ZFAND5: variants seen among roughly 807,000 people sequenced by gnomAD.
ZFAND5 encodes the protein zinc finger AN1-type containing 5.
A neutral mutation model predicts 23.6 loss-of-function variants in ZFAND5; 4 were observed. The observed-to-expected ratio is 0.17, with a 90% CI of 0.08 to 0.39. The LOEUF is 0.39. Ranked by LOEUF, ZFAND5 falls within the 10% of genes least tolerant of loss-of-function variation. The probability of loss-of-function intolerance (pLI) is 1.00; values close to 1 mark genes in which losing one functional copy is unlikely to be tolerated. For synonymous variants in ZFAND5, 68 were observed against 80.6 expected (o/e 0.84, Z 0.84); for missense variants, 161 against 253.7 (o/e 0.63, Z 2.48).
rs540688891 is a variant in ZFAND5, at chr9:72,360,102, A to T, written c.263+8T>A. ...ATATCATAAAAACTCTGAAACGTTCAATCTTACCTTGATTTTTCAGATGTG... is the reference window on the plus strand; with the variant it reads ...ATATCATAAAAACTCTGAAACGTTCTATCTTACCTTGATTTTTCAGATGTG... On this transcript the variant is annotated splice_region_variant and intron_variant, in intron 4 of 6. Transcript: ENST00000376962. 6.2e-7 allele frequency: 1 copy of T among 1,606,408 alleles called. No individual in the cohort carries two copies. The highest frequency in any genetic ancestry group is 2.2e-5 in the East Asian group (1 of 44,824).
chr9:72,355,749 G>T lies in ZFAND5; in HGVS notation c.*204C>A. ...TTCATCCAATTTTTTTCAGGGGAGG[G>T]CATATACATTTGTAGGGCTGTATCT... is the stretch of plus-strand genomic sequence containing the variant. On this transcript the variant is annotated 3_prime_UTR_variant, in exon 7 of 7. Coordinates refer to ENST00000376962, the MANE Select transcript of ZFAND5 (RefSeq NM_001102420.3). The T allele has an allele frequency of 2.4e-6, 1 of 412,410 alleles. No individual in the cohort carries two copies. 25.5% of individuals were successfully genotyped at this position (412,410 alleles called of 1,614,324 possible). A position where few individuals can be genotyped will look rare whatever the true frequency, so the allele number is the denominator to read the frequency against.
chr9:72,358,082 T>C (rs1000090968), intron 5 of ZFAND5, among the ~76,000 whole-genome samples: 1 of 152,162 alleles, frequency 6.6e-6, no homozygotes, highest in African/African-American at 2.4e-5. Flanking sequence ...GCACCAATGC[T>C]ATTAGCATAT....
chr9:72,358,506 T>C (rs1842006499), intron 5 of ZFAND5, among the ~76,000 whole-genome samples: 1 of 152,156 alleles, frequency 6.6e-6, no homozygotes, highest in Non-Finnish European at 1.5e-5. Context: ...AGAGTAATTT[T>C]GTATTTAAAA....
intron 2 of ZFAND5, 87 bp from the exon 3 acceptor site, chr9:72,360,874 G>C: frequency 8.0e-7 from 1 of 1,242,888 alleles, no homozygotes; most frequent in Non-Finnish European, 1.1e-6. Flanking sequence ...TAATTGCTAC[G>C]CAAGTTTTAA....
At chr9:72,364,590 C>A in intron 1 of ZFAND5, 106 bp downstream of exon 1, 2 of 1,241,952 alleles carry the variant, frequency 1.6e-6, no homozygotes, top group Non-Finnish European at 1.0e-6. Flanking sequence ...CCATCCGCGG[C>A]CTGCTCCGGC....
In ZFAND5 at chr9:72,351,702, A is replaced by T. The variant is rs1444491551; in HGVS notation, c.*4251T>A. 1 of 151,392 alleles carries T rather than the reference A, an allele frequency of 6.6e-6. No homozygotes were observed. The highest frequency in any genetic ancestry group is 2.4e-5 in the African/African-American group (1 of 41,180). The allele number at this position is 151,392 out of a possible 1,614,324, so 9.4% of individuals were successfully genotyped here. A position where few individuals can be genotyped will look rare whatever the true frequency, so the allele number is the denominator to read the frequency against. On this transcript the variant is annotated 3_prime_UTR_variant, in exon 7 of 7. Coordinates refer to ENST00000376962, the MANE Select transcript of ZFAND5 (RefSeq NM_001102420.3). ...TCATGTCTATCTGTACCAGTTTCCC[A>T]TCTTAGACTGTGATGTCAACTGGCA...
rs777144540 is a variant in ZFAND5 at position 72,360,801 on chromosome 9, G to A, written c.-9-14C>T. 25 of 1,567,300 alleles carry A rather than the reference G, an allele frequency of 1.6e-5. No homozygotes were observed. The highest frequency in any genetic ancestry group is 1.5e-4 in the South Asian group (13 of 84,860). ...CATATTTTTCTGCTATAGATGAAACGAAATTTCAGAAATTAGTGTTATCAC... is the reference window on the plus strand; with the variant it reads ...CATATTTTTCTGCTATAGATGAAACAAAATTTCAGAAATTAGTGTTATCAC... On this transcript the variant is annotated splice_polypyrimidine_tract_variant and intron_variant, in intron 2 of 6. Coordinates refer to ENST00000376962, the MANE Select transcript of ZFAND5 (RefSeq NM_001102420.3).
intron 2 of ZFAND5, among the ~76,000 whole-genome samples, chr9:72,362,829 C>G (rs1842143461): frequency 6.6e-6 from 1 of 152,096 alleles, no homozygotes; most frequent in African/African-American, 2.4e-5. Context: ...TTCAGCCTGT[C>G]ACAAGGCTGC....
chr9:72,364,429 G>A (rs1842201594), intron 1 of ZFAND5: 2 of 1,262,624 alleles, frequency 1.6e-6, no homozygotes, highest in Non-Finnish European at 2.1e-6. Context: ...GGCCGGCCCC[G>A]CAGAGGCGGC....
intron 4 of ZFAND5, 49 bp downstream of exon 4, chr9:72,360,061 T>C (rs762001901): frequency 5.3e-6 from 8 of 1,510,410 alleles, no homozygotes; most frequent in Non-Finnish European, 7.3e-6. Flanking sequence ...ACAGACATCT[T>C]GATTTCTTCT....
At position 72,354,358 on chromosome 9, in the gene ZFAND5, G is replaced by A. The variant is rs551364791; in HGVS notation, c.*1595C>T. ...TATCACTTGAACAAGTTCAGCGATG[G>A]CAAAGGAAAAAAAATTATATAGCCA... is the stretch of plus-strand genomic sequence containing the variant. On this transcript the variant is annotated 3_prime_UTR_variant, in exon 7 of 7. Coordinates refer to ENST00000376962, the MANE Select transcript of ZFAND5 (RefSeq NM_001102420.3). The A allele has an allele frequency of 6.6e-6, 1 of 152,470 alleles. No individual in the cohort carries two copies. The highest frequency in any genetic ancestry group is 1.9e-4 in the East Asian group (1 of 5,182). The allele number at this position is 152,470 out of a possible 1,614,324, so 9.4% of individuals were successfully genotyped here.
In ZFAND5 at chr9:72,359,495, A is replaced by G. The variant is rs1238596398; in HGVS notation, c.290T>C (p.Val97Ala). 6.2e-7 allele frequency: 1 copy of G among 1,613,754 alleles called. No homozygotes were observed. The highest frequency in any genetic ancestry group is 8.5e-7 in the Non-Finnish European group (1 of 1,179,704). ...GCTCATTTCTGTCATTTGCTGAGTTACAGGCAAGGCAGCCACAGGCACATT... is the reference window on the plus strand; with the variant it reads ...GCTCATTTCTGTCATTTGCTGAGTTGCAGGCAAGGCAGCCACAGGCACATT... ...SRNVPVAALP[V>A]TQQMTEMSIS... Residue 97 changes from valine to alanine, a missense_variant, in exon 5 of 7, where the codon GTA becomes GCA. By Grantham distance (64) the Val-to-Ala change is moderately conservative. Around this residue, in one of 3 missense-constraint regions of ZFAND5, gnomAD observed 116 missense variants for 115.2 expected, o/e 1.01. Coordinates refer to ENST00000376962, the MANE Select transcript of ZFAND5 (RefSeq NM_001102420.3).
chr9:72,363,700 A>G (rs1842167745), intron 1 of ZFAND5, 94 bp from the exon 2 acceptor site: 2 of 955,226 alleles, frequency 2.1e-6, no homozygotes, highest in East Asian at 1.2e-4. Context: ...CAAAGATAAA[A>G]TTGCAGTATT....
intron 1 of ZFAND5, chr9:72,364,236 G>A (rs1226950454): frequency 2.3e-5 from 8 of 342,994 alleles, no homozygotes; most frequent in Non-Finnish European, 4.0e-5. Flanking sequence ...GGCCCGGCCA[G>A]CCCTTCGCCT....
At chr9:72,361,839 A>T (rs1400881274) in intron 2 of ZFAND5, among the ~76,000 whole-genome samples, 1 of 152,262 alleles carries the variant, frequency 6.6e-6, no homozygotes, top group Non-Finnish European at 1.5e-5. Flanking sequence ...ATGTATAAGC[A>T]TATGTACAAA....
rs1564297603 is a variant in ZFAND5, at chr9:72,354,662, GAA to G, written c.*1289_*1290del. The G allele has an allele frequency of 2.0e-5, 3 of 152,542 alleles. No homozygotes were observed. Among genetic ancestry groups the G allele is most frequent in the African/African-American group, 4.8e-5 (2 of 41,436 alleles). The allele number at this position is 152,542 out of a possible 1,614,324, so 9.4% of individuals were successfully genotyped here. A position where few individuals can be genotyped will look rare whatever the true frequency, so the allele number is the denominator to read the frequency against. ...TAGGACTGAACATTGCAATAAATCA[GAA>G]GTAGTGCCTCGTGTACATACTTAAC... On this transcript the variant is annotated 3_prime_UTR_variant, in exon 7 of 7. Coordinates refer to ENST00000376962, the MANE Select transcript of ZFAND5 (RefSeq NM_001102420.3).
At chr9:72,357,430 A>T (rs1012610915) in intron 5 of ZFAND5, among the ~76,000 whole-genome samples, 8 of 152,172 alleles carry the variant, frequency 5.3e-5, no homozygotes, top group African/African-American at 1.9e-4. Context: ...CAAACTTTTC[A>T]ATCAGGGCAG....
At position 72,355,847 on chromosome 9, in the gene ZFAND5, A is replaced by G. The variant is rs1487653264; in HGVS notation, c.*106T>C. 4 of 1,047,026 alleles carry G rather than the reference A, an allele frequency of 3.8e-6. No homozygotes were observed. Among genetic ancestry groups the G allele is most frequent in the Non-Finnish European group, 5.5e-6 (4 of 732,296 alleles). The allele number at this position is 1,047,026 out of a possible 1,614,324, so 64.9% of individuals were successfully genotyped here. A position where few individuals can be genotyped will look rare whatever the true frequency, so the allele number is the denominator to read the frequency against. On this transcript the variant is annotated 3_prime_UTR_variant, in exon 7 of 7. Transcript: ENST00000376962. ...TATAAGACAGACAAGTGTAATGTAA[A>G]ACTCTGGAGAACATCAAAGAAAAAT...
At chr9:72,364,310 G>C (rs916971500) in intron 1 of ZFAND5, 2 of 875,796 alleles carry the variant, frequency 2.3e-6, no homozygotes, top group Non-Finnish European at 2.9e-6. Flanking sequence ...TTAGGGGAGA[G>C]CTAGGGGGGG....
Sources: allele counts gnomAD v4.1 joint callset (sites outside exome capture counted in the v4.1 genomes callset), GRCh38; gene constraint gnomAD v4.1.1; regional missense constraint gnomAD v4.1.1; transcripts MANE v1.5; gene names NCBI Gene and HGNC (gene_info 2026-07-23, HGNC 2026-07-21).